NAA35: variants seen among roughly 807,000 people sequenced by gnomAD.
The protein encoded by NAA35 is N-alpha-acetyltransferase 35, NatC auxiliary subunit, also known as MAK10 homolog, amino-acid N-acetyltransferase subunit.
In NAA35, 18 loss-of-function variants were observed where a neutral mutation model predicts 101.7. That is an observed-to-expected ratio of 0.18 (90% CI 0.12 to 0.26). The LOEUF (loss-of-function observed/expected upper bound fraction) is 0.26, where lower values mean the gene tolerates loss of function less well. Among genes scored for constraint, NAA35 ranks in the 10% least tolerant of loss-of-function variants. NAA35 has a pLI of 1.00. For missense variants in NAA35, 601 were observed against 886.8 expected, an observed-to-expected ratio of 0.68 and a Z score of 4.09; for synonymous variants, 267 against 273.1, an observed-to-expected ratio of 0.98 and a Z score of 0.22.
intron 2 of NAA35, among the ~76,000 whole-genome samples, chr9:85,952,560 T>C (rs573593929): frequency 5.9e-5 from 9 of 152,196 alleles, no homozygotes; most frequent in Non-Finnish European, 1.3e-4. Flanking sequence ...GCTGGGATTA[T>C]AGGCGTGAGC....
Position 86,016,561 on chromosome 9 carries a change from G to A in NAA35, c.1591G>A (p.Ala531Thr), listed in dbSNP as rs557691690. 8 of 1,613,454 alleles carry A rather than the reference G, an allele frequency of 5.0e-6. No homozygotes were observed. The highest frequency in any genetic ancestry group is 6.8e-6 in the Non-Finnish European group (8 of 1,179,800). The change falls in exon 18 of 23, where the codon GCA (alanine) becomes ACA (threonine). Residue 531 changes from alanine (A) to threonine (T), a missense_variant. This residue lies in a region of NAA35 where 99 missense variants were observed against 206.7 expected (regional missense o/e 0.48). Transcript: ENST00000361671. ...AAGGTATCTCTCTGAATTCCTTTAC[G>A]CATGGTTGATGTCAACATTGAGTCG... is the stretch of plus-strand genomic sequence containing the variant. ...IYWYLSEFLY[A>T]WLMSTLSRAD...
chr9:85,995,271 T>A (rs1029737181), intron 11 of NAA35, among the ~76,000 whole-genome samples: 2 of 150,606 alleles, frequency 1.3e-5, no homozygotes, highest in East Asian at 1.9e-4. Context: ...TTTTAATTTT[T>A]AAAATTTATT....
At chr9:85,996,175 T>C (rs898152710) in intron 11 of NAA35, among the ~76,000 whole-genome samples, 3 of 152,156 alleles carry the variant, frequency 2.0e-5, no homozygotes, top group African/African-American at 7.2e-5. Context: ...ATCACCACCA[T>C]GTAGGTAGGA....
Position 86,018,739 on chromosome 9 carries a change from C to G in NAA35, c.1955C>G (p.Ser652Cys), listed in dbSNP as rs1471752424. 6.2e-7 allele frequency: 1 copy of G among 1,614,092 alleles called. No homozygotes were observed. The highest frequency in any genetic ancestry group is 2.2e-5 in the East Asian group (1 of 44,872). ...AATAAATATAGCCCTCCTCCTCAGT[C>G]TCCTGAACTGTATGTGGCAGCTAGT... ...DLNKYSPPPQ[S>C]PELYVAASKH... Residue 652 changes from serine to cysteine, a missense_variant, in exon 21 of 23, where the codon TCT (serine) becomes TGT (cysteine). This residue lies in a region of NAA35 where 90 missense variants were observed against 108.7 expected (regional missense o/e 0.83). Transcript: ENST00000361671.
At chr9:85,960,709 G>C (rs1229858216) in intron 5 of NAA35, among the ~76,000 whole-genome samples, 3 of 152,174 alleles carry the variant, frequency 2.0e-5, no homozygotes, top group African/African-American at 7.2e-5. Context: ...AAAGAAAGGA[G>C]TCAAAGGATT....
Position 85,978,103 on chromosome 9 carries a change from A to C in NAA35, c.763-164A>C, listed in dbSNP as rs1830290506. On this transcript the variant is annotated intron_variant, in intron 10 of 22. Coordinates refer to ENST00000361671, the MANE Select transcript of NAA35 (RefSeq NM_024635.4). ...GATGTGAGTAAAAAAACCATTTTCT[A>C]TCCTAACAGGATCTGGACATCCTGT... 2.0e-5 allele frequency among the ~76,000 whole-genome samples: 3 copies of C among 152,162 alleles called. No individual in the cohort carries two copies. In the South Asian group the frequency reaches 6.2e-4, roughly 32 times the overall value.
rs1168823709 is a variant in NAA35 at position 86,023,853 on chromosome 9, GT to G, written c.*1898del. ...TTCCTTTAAGTAGCTTTAATTTTTG[GT>G]TTTTAGTTTGTTTAGAGAGGAGGTT... is the stretch of plus-strand genomic sequence containing the variant. On this transcript the variant is annotated 3_prime_UTR_variant, in exon 23 of 23. Transcript: ENST00000361671. Among the ~76,000 whole-genome samples the G allele has an allele frequency of 6.6e-6, 1 of 152,066 alleles. No individual in the cohort carries two copies. The highest frequency in any genetic ancestry group is 1.5e-5 in the Non-Finnish European group (1 of 68,006).
At chr9:85,988,067 T>C (rs1317070848) in intron 11 of NAA35, among the ~76,000 whole-genome samples, 1 of 152,230 alleles carries the variant, frequency 6.6e-6, no homozygotes, top group Admixed American at 6.5e-5. Flanking sequence ...TAACTGGTAA[T>C]CTTTGTGTCA....
intron 3 of NAA35, among the ~76,000 whole-genome samples, chr9:85,958,219 G>T (rs112743375): frequency 1.3e-5 from 2 of 152,122 alleles, no homozygotes; most frequent in Non-Finnish European, 2.9e-5. Flanking sequence ...GGGATTACAG[G>T]TGTGAGCCAC....
intron 1 of NAA35, chr9:85,941,678 T>C (rs548028325): frequency 1.0e-6 from 1 of 985,912 alleles, no homozygotes; most frequent in East Asian, 1.1e-4. Flanking sequence ...CCCGGCGAGG[T>C]TCTGCCTGGG....
Position 86,016,545 on chromosome 9 carries a change from C to G in NAA35, c.1575C>G (p.Leu525=). 2 of 1,613,066 alleles carry G rather than the reference C, an allele frequency of 1.2e-6. No homozygotes were observed. Among genetic ancestry groups the G allele is most frequent in the Non-Finnish European group, 1.7e-6 (2 of 1,179,580 alleles). The change falls in exon 18 of 23, where the codon CTC becomes CTG. Residue 525 remains leucine (L), a synonymous_variant. Coordinates refer to ENST00000361671, the MANE Select transcript of NAA35 (RefSeq NM_024635.4). The stretch of plus-strand genomic sequence containing the variant: ...ACATTTTGTATCCTTTAAGGTATCT[C>G]TCTGAATTCCTTTACGCATGGTTGA... ...MHEYYYIYWY[L]SEFLYAWLMS...
chr9:85,999,621 C>T (rs901297741), intron 12 of NAA35, among the ~76,000 whole-genome samples: 1 of 152,176 alleles, frequency 6.6e-6, no homozygotes, highest in African/African-American at 2.4e-5. Flanking sequence ...CACACTGGTT[C>T]TAACCAAGGA....
intron 2 of NAA35, among the ~76,000 whole-genome samples, chr9:85,949,811 TA>T (rs201303945): frequency 9.7e-4 from 139 of 143,056 alleles, no homozygotes; most frequent in East Asian, 1.8e-3. Flanking sequence ...GAAGTAACTT[TA>T]AAAAAAAAAA....
chr9:85,997,254 G>T (rs1038096186), intron 12 of NAA35, among the ~76,000 whole-genome samples: 3 of 151,276 alleles, frequency 2.0e-5, no homozygotes, highest in African/African-American at 7.3e-5. Flanking sequence ...GAGCTACTGC[G>T]CTCTGCCTAG....
chr9:86,018,032 C>T (rs1448135843), intron 19 of NAA35, among the ~76,000 whole-genome samples: 4 of 152,138 alleles, frequency 2.6e-5, no homozygotes, highest in Admixed American at 6.6e-5. Flanking sequence ...CTTGGCAGTC[C>T]AAGAAATCAT....
rs1359238752 is a variant in NAA35 at position 85,979,419 on chromosome 9, C to T, written c.877+1038C>T. On this transcript the variant is annotated intron_variant, in intron 11 of 22. Coordinates refer to ENST00000361671, the MANE Select transcript of NAA35 (RefSeq NM_024635.4). The stretch of plus-strand genomic sequence containing the variant: ...AACTCCTTCAAATAAGAAAGAAGAA[C>T]AGGCTATGACCTAATGCTTGCTTGG... Among the ~76,000 whole-genome samples the T allele has an allele frequency of 2.0e-5, 3 of 152,224 alleles. No individual in the cohort carries two copies. The East Asian group carries it at 5.8e-4, about 29-fold the overall frequency.
At chr9:85,960,330 A>T (rs577700894) in intron 5 of NAA35, among the ~76,000 whole-genome samples, 198 of 152,202 alleles carry the variant, frequency 1.3e-3, no homozygotes, top group Non-Finnish European at 2.4e-3. Context: ...CCTAGAAAGT[A>T]CTGTTTGTCG....
At chr9:85,990,044 A>G (rs1830835482) in intron 11 of NAA35, among the ~76,000 whole-genome samples, 2 of 152,146 alleles carry the variant, frequency 1.3e-5, no homozygotes, top group Admixed American at 1.3e-4. Flanking sequence ...ATTTTAAAAG[A>G]GGTTTACTTA....
At position 85,978,398 on chromosome 9, in the gene NAA35, C is replaced by A; in HGVS notation, c.877+17C>A. 6.7e-7 allele frequency: 1 copy of A among 1,486,072 alleles called. No individual in the cohort carries two copies. Among genetic ancestry groups the A allele is most frequent in the Non-Finnish European group, 9.4e-7 (1 of 1,063,960 alleles). The allele number at this position is 1,486,072 out of a possible 1,614,324, so 92.1% of individuals were successfully genotyped here. A position where few individuals can be genotyped will look rare whatever the true frequency, so the allele number is the denominator to read the frequency against. On this transcript the variant is annotated intron_variant, in intron 11 of 22. Coordinates refer to ENST00000361671, the MANE Select transcript of NAA35 (RefSeq NM_024635.4). ...CAAAAGGAGGTAATTGTTCAATTTG[C>A]TCCTACTCTTTCTTTTCTTCGTTTC...
Sources: allele counts gnomAD v4.1 joint callset (sites outside exome capture counted in the v4.1 genomes callset), GRCh38; gene constraint gnomAD v4.1.1; regional missense constraint gnomAD v4.1.1; transcripts MANE v1.5; gene names NCBI Gene and HGNC (gene_info 2026-07-23, HGNC 2026-07-21).